HMGXB4: variants seen among roughly 807,000 people sequenced by gnomAD.
HMGXB4 encodes the protein HMG-box containing 4, also known as HMG domain-containing protein 4.
HMGXB4 carries 27 observed loss-of-function variants against 63.9 expected under a neutral mutation model. The ratio of observed to expected loss-of-function variants is 0.42; its 90% CI spans 0.31 to 0.58. HMGXB4 has a LOEUF of 0.58. HMGXB4 is among the 20% of genes least tolerant of loss of function. HMGXB4 has a pLI of 0.13. For synonymous variants in HMGXB4, 264 were observed against 265.3 expected, an observed-to-expected ratio of 0.99 and a Z score of 0.05; for missense variants, 624 against 700.7, an observed-to-expected ratio of 0.89 and a Z score of 1.24.
chr22:35,277,259 A>G (rs536464376), intron 5 of HMGXB4, among the ~76,000 whole-genome samples: 1 of 152,220 alleles, frequency 6.6e-6, no homozygotes, highest in South Asian at 2.1e-4. Context: ...CAAATTCGAG[A>G]CCAGCCAGAG....
chr22:35,251,778 T>C, the HMGXB4 span, among the ~76,000 whole-genome samples: 1 of 152,206 alleles, frequency 6.6e-6, no homozygotes, highest in Non-Finnish European at 1.5e-5. Context: ...GACTGGGTCA[T>C]ATGCAAATAC....
intron 1 of HMGXB4, among the ~76,000 whole-genome samples, chr22:35,260,083 A>G (rs1922747173): frequency 6.6e-6 from 1 of 152,170 alleles, no homozygotes; most frequent in African/African-American, 2.4e-5. Context: ...ACTCTGTTTT[A>G]TGTTGATTTT....
At chr22:35,291,462 G>C (rs952600588) in intron 9 of HMGXB4, among the ~76,000 whole-genome samples, 11 of 152,086 alleles carry the variant, frequency 7.2e-5, no homozygotes, top group African/African-American at 2.4e-4. Context: ...TTTTCTCTGA[G>C]AATATCTTTT....
intron 5 of HMGXB4, among the ~76,000 whole-genome samples, chr22:35,279,076 A>G (rs1400970451): frequency 6.7e-6 from 1 of 149,416 alleles, no homozygotes; most frequent in East Asian, 2.0e-4. Flanking sequence ...TTTTTGGATA[A>G]TAGTTCTTAA....
intron 8 of HMGXB4, 104 bp downstream of exon 8, chr22:35,287,556 T>G: frequency 1.4e-6 from 1 of 713,590 alleles, no homozygotes; most frequent in Non-Finnish European, 2.5e-6. Flanking sequence ...TGGACCTTGA[T>G]TCCCAGGTAT....
intron 8 of HMGXB4, 137 bp from the exon 9 acceptor site, chr22:35,288,101 A>C (rs1924704552): frequency 1.8e-6 from 1 of 564,686 alleles, no homozygotes; most frequent in African/African-American, 1.9e-5. Flanking sequence ...GAGACCATAG[A>C]CTGAATTTAG....
rs1224894758 is a variant in HMGXB4 at position 35,262,139 on chromosome 22, C to G, written c.-68-184C>G. On this transcript the variant is annotated intron_variant, in intron 1 of 10. Coordinates refer to ENST00000216106, the MANE Select transcript of HMGXB4 (RefSeq NM_001003681.3). ...ATTCATGACTGAAATCTAATTAAGC[C>G]TAGTATACTTCCTGCAGTATCAACC... The G allele has an allele frequency of 1.0e-5, 5 of 480,060 alleles. No individual in the cohort carries two copies. In the East Asian group the frequency reaches 1.7e-4, roughly 17 times the overall value. The allele number at this position is 480,060 out of a possible 1,614,324, so 29.7% of individuals were successfully genotyped here. A position where few individuals can be genotyped will look rare whatever the true frequency, so the allele number is the denominator to read the frequency against.
rs1442415014 is a variant in HMGXB4 at position 35,293,061 on chromosome 22, G to T, written c.1708G>T (p.Ala570Ser). ...DSIICALGPLACLTTQLPELN... is the reference protein window; with the variant it reads ...DSIICALGPLSCLTTQLPELN... ...CATTATCTGTGCCCTTGGCCCCTTG[G>T]CATGTCTCACCACACAACTACCTGA... Residue 570 changes from alanine to serine, a missense_variant, in exon 10 of 11, where the codon GCA becomes TCA. Transcript: ENST00000216106. 1 of 1,614,174 alleles carries T rather than the reference G, an allele frequency of 6.2e-7. No homozygotes were observed. Among genetic ancestry groups the T allele is most frequent in the South Asian group, 1.1e-5 (1 of 91,080 alleles).
chr22:35,245,916 G>A, the HMGXB4 span, among the ~76,000 whole-genome samples: 2 of 152,106 alleles, frequency 1.3e-5, no homozygotes, highest in East Asian at 1.9e-4. Flanking sequence ...AGGTCCAGGG[G>A]GACCTCATTA....
At chr22:35,277,066 C>T (rs558548706) in intron 5 of HMGXB4, among the ~76,000 whole-genome samples, 20 of 152,298 alleles carry the variant, frequency 1.3e-4, no homozygotes, top group Non-Finnish European at 2.5e-4. Context: ...CATTTACTGT[C>T]TCACAGTTGT....
chr22:35,272,110 CAG>C (rs1377720332), intron 5 of HMGXB4, among the ~76,000 whole-genome samples: 2 of 152,034 alleles, frequency 1.3e-5, no homozygotes, highest in African/African-American at 2.4e-5. Context: ...AAATTGAGCT[CAG>C]AGCAGAATTT....
chr22:35,281,839 A>G (rs1924260759), intron 5 of HMGXB4, among the ~76,000 whole-genome samples: 1 of 152,204 alleles, frequency 6.6e-6, no homozygotes, highest in Non-Finnish European at 1.5e-5. Flanking sequence ...AATAAGTGCA[A>G]TCTCATTCAA....
intron 5 of HMGXB4, among the ~76,000 whole-genome samples, chr22:35,280,369 G>A (rs1186843220): frequency 6.6e-6 from 1 of 152,158 alleles, no homozygotes; most frequent in African/African-American, 2.4e-5. Flanking sequence ...AGCAATTCAC[G>A]TAACGAGTAA....
intron 2 of HMGXB4, 142 bp from the exon 3 acceptor site, chr22:35,262,936 C>T: frequency 1.3e-6 from 1 of 764,324 alleles, no homozygotes; most frequent in Non-Finnish European, 2.2e-6. Flanking sequence ...TCCCCTGGGT[C>T]TAGCCCTGTA....
intron 8 of HMGXB4, 25 bp from the exon 9 acceptor site, chr22:35,288,213 G>C: frequency 7.0e-7 from 1 of 1,425,566 alleles, no homozygotes; most frequent in Middle Eastern, 1.9e-4. Context: ...AGTTTTACCT[G>C]TCTGCCTCAT....
At chr22:35,258,830 A>G (rs138444150) in intron 1 of HMGXB4, among the ~76,000 whole-genome samples, 6 of 152,182 alleles carry the variant, frequency 3.9e-5, no homozygotes, top group Admixed American at 6.5e-5. Context: ...AATCTTGGAC[A>G]TGGCTCTCAT....
chr22:35,264,071 A>G, intron 4 of HMGXB4, 197 bp downstream of exon 4: 2 of 1,541,930 alleles, frequency 1.3e-6, no homozygotes, highest in Non-Finnish European at 1.7e-6. Flanking sequence ...AGCATAGAAG[A>G]ACAGTCTGCA....
chr22:35,285,270 C>T (rs761635906), intron 6 of HMGXB4, among the ~76,000 whole-genome samples: 7 of 152,068 alleles, frequency 4.6e-5, no homozygotes, highest in African/African-American at 1.7e-4. Context: ...AATAGCTGGG[C>T]GTGGTGGCTC....
At chr22:35,245,261 C>T in the HMGXB4 span, among the ~76,000 whole-genome samples, 6 of 151,688 alleles carry the variant, frequency 4.0e-5, no homozygotes, top group Non-Finnish European at 7.4e-5. Context: ...TGAGCTCATC[C>T]ATTGGGTTTT....
Sources: allele counts gnomAD v4.1 joint callset (sites outside exome capture counted in the v4.1 genomes callset), GRCh38; gene constraint gnomAD v4.1.1; transcripts MANE v1.5; gene names NCBI Gene and HGNC (gene_info 2026-07-23, HGNC 2026-07-21).